The following UTY variants were observed in gnomAD, a reference collection of about 807,000 sequenced individuals.
UTY encodes ubiquitously transcribed tetratricopeptide repeat containing, Y-linked.
UTY carries 12 observed loss-of-function variants against 32.5 expected under a neutral mutation model. The ratio of observed to expected loss-of-function variants is 0.37; its 90% CI spans 0.24 to 0.60. The LOEUF is 0.60. UTY is among the 20% of genes least tolerant of loss of function. The pLI, the probability that UTY is intolerant of heterozygous loss-of-function variation, is 0.69. For synonymous variants in UTY, 131 were observed against 103.4 expected, an observed-to-expected ratio of 1.27 and a Z score of -1.62; for missense variants, 303 against 299.2, an observed-to-expected ratio of 1.01 and a Z score of -0.09.
At chrY:13,321,979 A>G in intron 21 of UTY, among the ~76,000 whole-genome samples, 1 of 33,377 alleles carries the variant, frequency 3.0e-5, no homozygotes. Context: ...ATGCCACGGA[A>G]TTTAACAAAA....
At chrY:13,385,032 G>GAA (rs2066551430) in intron 8 of UTY, among the ~76,000 whole-genome samples, 1 of 32,953 alleles carries the variant, frequency 3.0e-5, no homozygotes, top group Admixed American at 2.7e-4. Flanking sequence ...TTTTAATAAA[G>GAA]ACGGGGGTTT....
chrY:13,365,500 A>T, intron 10 of UTY, among the ~76,000 whole-genome samples: 1 of 31,826 alleles, frequency 3.1e-5, no homozygotes. Flanking sequence ...ACTAAATTCA[A>T]AGCTATCTAT....
At chrY:13,317,252 C>T in intron 21 of UTY, among the ~76,000 whole-genome samples, 1 of 33,376 alleles carries the variant, frequency 3.0e-5, no homozygotes, top group Non-Finnish European at 7.4e-5. Context: ...GATCTGCCTG[C>T]CCTGTCCTCC....
At chrY:13,400,031 G>A in intron 6 of UTY, among the ~76,000 whole-genome samples, 3 of 33,152 alleles carry the variant, frequency 9.0e-5, no homozygotes, top group South Asian at 1.3e-3. Context: ...TACATCTCAC[G>A]GCAGCCCATA....
intron 18 of UTY, among the ~76,000 whole-genome samples, chrY:13,333,886 A>C: frequency 3.0e-5 from 1 of 33,265 alleles, no homozygotes; most frequent in African/African-American, 1.2e-4. Context: ...CCATGCTCTA[A>C]GCAAGACCTG....
At chrY:13,366,420 A>G in intron 9 of UTY, 27 bp from the exon 10 acceptor site, 1 of 325,259 alleles carries the variant, frequency 3.1e-6, no homozygotes, top group Non-Finnish European at 4.1e-6. Flanking sequence ...ATAAGCATTT[A>G]CCCATCATTC....
At chrY:13,275,327 C>T (rs2056604419) in intron 27 of UTY, among the ~76,000 whole-genome samples, 2 of 33,527 alleles carry the variant, frequency 6.0e-5, no homozygotes, top group South Asian at 1.3e-3. Context: ...GTACTTAATG[C>T]AGTCCTTCCA....
At chrY:13,473,012 A>AGG (rs1360854574) in intron 2 of UTY, among the ~76,000 whole-genome samples, 96 of 34,156 alleles carry the variant, frequency 2.8e-3, no homozygotes, top group Non-Finnish European at 5.3e-3. Flanking sequence ...TAATCCCAGC[A>AGG]CTTTGGGAGG....
intron 10 of UTY, among the ~76,000 whole-genome samples, chrY:13,362,102 C>T: frequency 3.0e-5 from 1 of 33,778 alleles, no homozygotes; most frequent in Non-Finnish European, 7.4e-5. Context: ...CTCAGACCAA[C>T]ATTTTCCAAT....
chrY:13,358,157 T>C (rs113964360), intron 14 of UTY, among the ~76,000 whole-genome samples, 188 bp from the exon 15 acceptor site: 3 of 33,768 alleles, frequency 8.9e-5, no homozygotes, highest in African/African-American at 3.4e-4. Flanking sequence ...AAAAGGACCA[T>C]ATTTAAATTA....
At chrY:13,261,975 C>T in intron 27 of UTY, among the ~76,000 whole-genome samples, 1 of 33,336 alleles carries the variant, frequency 3.0e-5, no homozygotes, top group Non-Finnish European at 7.4e-5. Flanking sequence ...CACACTGGAT[C>T]TGTGGCACCT....
chrY:13,299,081 A>T lies in UTY; in HGVS notation c.3744T>A (p.Asn1248Lys). The T allele has an allele frequency of 1.0e-5, 4 of 395,001 alleles. No individual in the cohort carries two copies. The highest frequency in any genetic ancestry group is 1.4e-5 in the Non-Finnish European group (4 of 281,471). The change falls in exon 26 of 30, where the codon AAT becomes AAA. Residue 1248 changes from asparagine to lysine, a missense_variant. Transcript: ENST00000545955. ...GCTGAATAAATCTATACACAGGGAC[A>T]TTTGCTTCATAAAGATCTTCAAGGT... ...WPNLEDLYEA[N>K]VPVYRFIQRP...
At chrY:13,267,050 C>T in intron 27 of UTY, among the ~76,000 whole-genome samples, 3 of 32,417 alleles carry the variant, frequency 9.3e-5, no homozygotes, top group Non-Finnish European at 2.3e-4. Flanking sequence ...GTTCAAAGTC[C>T]GGAATATCCT....
intron 8 of UTY, among the ~76,000 whole-genome samples, chrY:13,373,625 C>G: frequency 3.1e-5 from 1 of 32,662 alleles, no homozygotes; most frequent in Admixed American, 2.8e-4. Flanking sequence ...CATGGTGGCA[C>G]GTGCCTATAG....
intron 8 of UTY, among the ~76,000 whole-genome samples, chrY:13,389,260 T>C (rs1603448708): frequency 3.0e-5 from 1 of 33,142 alleles, no homozygotes; most frequent in Non-Finnish European, 7.4e-5. Context: ...GAATTTATGG[T>C]TGGCAAGTAC....
Position 13,335,780 on chromosome Y carries a change from A to G in UTY, c.2617T>C (p.Ser873Pro). Reference sequence around the variant, plus strand: ...CTTCTCTGCTCAGTGGATTTAGGAGAAGGTGTTGCTGTGGAAATGGCTGAA... The same window carrying G: ...CTTCTCTGCTCAGTGGATTTAGGAGGAGGTGTTGCTGTGGAAATGGCTGAA... ...PSSAISTATPSPKSTEQRSIN... is the reference protein window; with the variant it reads ...PSSAISTATPPPKSTEQRSIN... The change falls in exon 18 of 30, where the codon TCT (serine) becomes CCT (proline). Residue 873 changes from serine (S) to proline (P), a missense_variant. By Grantham distance (74) the Ser-to-Pro change is moderately conservative. Coordinates refer to ENST00000545955, the MANE Select transcript of UTY (RefSeq NM_001258249.2). The G allele has an allele frequency of 2.5e-6, 1 of 399,013 alleles. No homozygotes were observed. Among genetic ancestry groups the G allele is most frequent in the Non-Finnish European group, 3.5e-6 (1 of 283,631 alleles).
intron 9 of UTY, 151 bp from the exon 10 acceptor site, chrY:13,366,544 G>A (rs778366826): frequency 1.1e-5 from 1 of 88,230 alleles, no homozygotes; most frequent in East Asian, 2.2e-4. Flanking sequence ...AAAGTTTAGA[G>A]AAGTTTATTT....
At chrY:13,286,216 G>C (rs2148639838) in intron 27 of UTY, among the ~76,000 whole-genome samples, 3 of 34,027 alleles carry the variant, frequency 8.8e-5, no homozygotes, top group Admixed American at 5.3e-4. Context: ...ACATAGACCT[G>C]TGTAGTAAAA....
rs776141445 is a variant in UTY at position 13,335,843 on chromosome Y, G to T, written c.2554C>A (p.His852Asn). The T allele has an allele frequency of 2.5e-6, 1 of 398,996 alleles. No individual in the cohort carries two copies. The highest frequency in any genetic ancestry group is 3.5e-6 in the Non-Finnish European group (1 of 283,658). Residue 852 changes from histidine to asparagine, a missense_variant, in exon 18 of 30, where the codon CAT becomes AAT. Physicochemically the swap from His to Asn is moderately conservative, Grantham distance 68 (BLOSUM62 1). Transcript: ENST00000545955. ...GCAACAGAATGATCAGTCTTTGTATGAACAGCTGGGTGAATATTATTCACT... is the reference window on the plus strand; with the variant it reads ...GCAACAGAATGATCAGTCTTTGTATTAACAGCTGGGTGAATATTATTCACT... ...DKVNNIHPAV[H>N]TKTDHSVASS...
Sources: allele counts gnomAD v4.1 joint callset (sites outside exome capture counted in the v4.1 genomes callset), GRCh38; gene constraint gnomAD v4.1.1; transcripts MANE v1.5; gene names NCBI Gene and HGNC (gene_info 2026-07-23, HGNC 2026-07-21).